The following BTC variants were observed in gnomAD, a reference collection of about 807,000 sequenced individuals.
BTC encodes probetacellulin.
Under a neutral mutation model 18.1 loss-of-function variants are expected in BTC, and 13 were observed. That is an observed-to-expected ratio of 0.72 (90% CI 0.47 to 1.14). The LOEUF is 1.14. BTC is among the 50% of genes most tolerant of loss of function. BTC has a pLI of 0.00. For synonymous variants in BTC, 83 were observed against 79.4 expected, an observed-to-expected ratio of 1.05 and a Z score of -0.24; for missense variants, 247 against 224.2, an observed-to-expected ratio of 1.10 and a Z score of -0.65.
At chr4:74,757,562 G>A (rs143348032) in intron 2 of BTC, among the ~76,000 whole-genome samples, 59 of 152,254 alleles carry the variant, frequency 3.9e-4, no homozygotes, top group Non-Finnish European at 7.2e-4. Context: ...ACTTCCATTC[G>A]TTGAGTGTTT....
chr4:74,762,491 A>C (rs190394824), intron 2 of BTC, among the ~76,000 whole-genome samples: 1 of 152,220 alleles, frequency 6.6e-6, no homozygotes. Flanking sequence ...GATGGATGCT[A>C]TCTTTTTATT....
intron 1 of BTC, among the ~76,000 whole-genome samples, chr4:74,772,665 A>C (rs911251086): frequency 4.6e-5 from 7 of 152,092 alleles, no homozygotes; most frequent in African/African-American, 1.7e-4. Context: ...AAAAAAAAAA[A>C]AAACTCTAAA....
At chr4:74,760,969 C>T (rs1330049039) in intron 2 of BTC, among the ~76,000 whole-genome samples, 1 of 152,000 alleles carries the variant, frequency 6.6e-6, no homozygotes, top group East Asian at 1.9e-4. Context: ...CTCCTGACTT[C>T]GTGATCCGCC....
At chr4:74,760,290 C>T (rs1383798228) in intron 2 of BTC, among the ~76,000 whole-genome samples, 6 of 152,152 alleles carry the variant, frequency 3.9e-5, no homozygotes, top group African/African-American at 9.7e-5. Context: ...TTGAAATAGA[C>T]GTCTCAGGTC....
rs1472201810 is a variant in BTC, at chr4:74,750,328, T to C, written c.428+245A>G. Among the ~76,000 whole-genome samples the C allele has an allele frequency of 6.6e-5, 10 of 152,298 alleles. No individual in the cohort carries two copies. The South Asian group carries it at 2.1e-3, about 32-fold the overall frequency. ...ATGGTACAGTTTTAGAAAATAGAAGTCTTATGTAGCCTACTATACAAATTT... is the reference window on the plus strand; with the variant it reads ...ATGGTACAGTTTTAGAAAATAGAAGCCTTATGTAGCCTACTATACAAATTT... On this transcript the variant is annotated intron_variant, in intron 4 of 5. Coordinates refer to ENST00000395743, the MANE Select transcript of BTC (RefSeq NM_001729.4).
chr4:74,753,873 G>A (rs1553956457), intron 3 of BTC, among the ~76,000 whole-genome samples: 1 of 152,042 alleles, frequency 6.6e-6, no homozygotes, highest in Non-Finnish European at 1.5e-5. Context: ...TTTATTTATG[G>A]CATACTTAAA....
chr4:74,794,326 C>T lies in BTC; in HGVS notation c.-1G>A. 1 of 1,545,120 alleles carries T rather than the reference C, an allele frequency of 6.5e-7. No individual in the cohort carries two copies. The highest frequency in any genetic ancestry group is 8.7e-7 in the Non-Finnish European group (1 of 1,145,052). On this transcript the variant is annotated 5_prime_UTR_variant, in exon 1 of 6. Transcript: ENST00000395743. Reference sequence around the variant, plus strand: ...CGCTGCACCGGGCGGCCCGGTCCATCAACCCCGCTCTGCCGGGCCGGGCAG... The same window carrying T: ...CGCTGCACCGGGCGGCCCGGTCCATTAACCCCGCTCTGCCGGGCCGGGCAG...
chr4:74,781,101 C>T (rs1485574657), intron 1 of BTC, among the ~76,000 whole-genome samples: 1 of 152,088 alleles, frequency 6.6e-6, no homozygotes, highest in Non-Finnish European at 1.5e-5. Flanking sequence ...CACCTTTACA[C>T]AACTCCATTT....
intron 1 of BTC, among the ~76,000 whole-genome samples, chr4:74,773,568 A>G (rs1179890222): frequency 2.6e-5 from 4 of 151,964 alleles, no homozygotes; most frequent in Non-Finnish European, 5.9e-5. Context: ...AGACACAGGT[A>G]TTATCATTAA....
chr4:74,764,789 A>C (rs763172652), intron 2 of BTC, among the ~76,000 whole-genome samples: 1 of 152,182 alleles, frequency 6.6e-6, no homozygotes, highest in South Asian at 2.1e-4. Flanking sequence ...AAGATGCTGT[A>C]TTAGTCTGTT....
At chr4:74,793,168 T>C (rs1725679855) in intron 1 of BTC, among the ~76,000 whole-genome samples, 1 of 152,236 alleles carries the variant, frequency 6.6e-6, no homozygotes, top group African/African-American at 2.4e-5. Flanking sequence ...ACTCTACCAC[T>C]AAATTGTTAC....
rs28549760 is a variant in BTC, at chr4:74,794,307, A to C, written c.19T>G (p.Cys7Gly). ...AGTGGCAGGGAGCTGGCGCCGCTGC[A>C]CCGGGCGGCCCGGTCCATCAACCCC... MDRAAR[C>G]SGASSLPLLL... The change falls in exon 1 of 6, where the codon TGC becomes GGC. Residue 7 changes from cysteine to glycine, a missense_variant. Coordinates refer to ENST00000395743, the MANE Select transcript of BTC (RefSeq NM_001729.4). The C allele has an allele frequency of 0.16, 252,457 of 1,547,762 alleles. 26,365 individuals carry two copies. The highest frequency in any genetic ancestry group is 0.49 in the African/African-American group (35,871 of 73,018).
chr4:74,751,517 G>C (rs527367171), intron 3 of BTC, among the ~76,000 whole-genome samples: 3 of 152,216 alleles, frequency 2.0e-5, no homozygotes, highest in South Asian at 2.1e-4. Context: ...TCAAGGGAAT[G>C]ACCAGAAATC....
chr4:74,793,207 A>G lies in BTC; in HGVS notation c.64+1055T>C, dbSNP rs1725680928. 2.0e-5 allele frequency among the ~76,000 whole-genome samples: 3 copies of G among 152,220 alleles called. No individual in the cohort carries two copies. In the South Asian group the frequency reaches 6.2e-4, roughly 32 times the overall value. ...CTCCTTCCTCTTCAGCGTTTGTTAA[A>G]TAAGTTTATTTTCTCTAACCTTGGT... is the stretch of plus-strand genomic sequence containing the variant. On this transcript the variant is annotated intron_variant, in intron 1 of 5. Coordinates refer to ENST00000395743, the MANE Select transcript of BTC (RefSeq NM_001729.4).
At chr4:74,788,069 T>C (rs1219573455) in intron 1 of BTC, among the ~76,000 whole-genome samples, 27 of 152,188 alleles carry the variant, frequency 1.8e-4, no homozygotes, top group Admixed American at 1.7e-3. Context: ...TTTAAGTCTA[T>C]CTTGTAACAA....
chr4:74,791,969 TCACACACACACACA>T (rs3087019), intron 1 of BTC, among the ~76,000 whole-genome samples: 9 of 134,144 alleles, frequency 6.7e-5, no homozygotes, highest in Admixed American at 3.0e-4. Context: ...TTCCACCATC[TCACACACACACACA>T]CACACACACA....
In BTC at chr4:74,791,495, C is replaced by G. The variant is rs77940172; in HGVS notation, c.64+2767G>C. 9.7e-3 allele frequency among the ~76,000 whole-genome samples: 1,481 copies of G among 152,188 alleles called. 62 individuals carry two copies. In the East Asian group the frequency reaches 0.11, roughly 11 times the overall value. On this transcript the variant is annotated intron_variant, in intron 1 of 5. Transcript: ENST00000395743. ...CTTTAAACAGTTTTAGAAAATTAAA[C>G]CAAATTAATGCATATAAAGAATATC...
chr4:74,792,704 A>G (rs1725666046), intron 1 of BTC, among the ~76,000 whole-genome samples: 1 of 152,134 alleles, frequency 6.6e-6, no homozygotes, highest in Non-Finnish European at 1.5e-5. Flanking sequence ...CCAACCCTTT[A>G]CTAAATGCTT....
chr4:74,755,726 G>T, intron 3 of BTC, 133 bp downstream of exon 3: 2 of 791,548 alleles, frequency 2.5e-6, no homozygotes, highest in South Asian at 1.7e-5. Flanking sequence ...CTAAACAAGT[G>T]GCTGGGGGCA....
Sources: gnomAD v4.1 joint callset for allele counts (sites outside exome capture counted in the v4.1 genomes callset) on GRCh38, gnomAD v4.1.1 for gene constraint, MANE v1.5 for transcripts, NCBI Gene and HGNC (gene_info 2026-07-23, HGNC 2026-07-21) for gene names.